Variants in COP1 observed in about 807,000 individuals in gnomAD.
The protein encoded by COP1 is COP1 E3 ubiquitin ligase, also known as E3 ubiquitin-protein ligase COP1.
In COP1, 24 loss-of-function variants were observed where a neutral mutation model predicts 101.3. The ratio of observed to expected loss-of-function variants is 0.24; its 90% CI spans 0.17 to 0.33. COP1 has a LOEUF of 0.33. Among genes scored for constraint, COP1 ranks in the 10% least tolerant of loss-of-function variants. The probability of loss-of-function intolerance (pLI) is 1.00; values close to 1 mark genes in which losing one functional copy is unlikely to be tolerated. For synonymous variants in COP1, 347 were observed against 341.9 expected (o/e 1.01, Z -0.17); for missense variants, 663 against 906.2 (o/e 0.73, Z 3.45).
Position 176,134,991 on chromosome 1 carries a change from G to GC in COP1, c.968+18dup, listed in dbSNP as rs776433275. 11 of 1,574,904 alleles carry GC rather than the reference G, an allele frequency of 7.0e-6. No homozygotes were observed. Among genetic ancestry groups the GC allele is most frequent in the Non-Finnish European group, 8.7e-6 (10 of 1,145,616 alleles). On this transcript the variant is annotated intron_variant, in intron 8 of 19. Transcript: ENST00000367669. ...TTTGTAATATGAATTCTAATCAATT[G>GC]CAAGTGTGAAGCTTGTACCTGTGTG...
chr1:176,132,206 A>G (rs1250711180), intron 8 of COP1, among the ~76,000 whole-genome samples: 4 of 149,908 alleles, frequency 2.7e-5, no homozygotes, highest in African/African-American at 7.6e-5. Flanking sequence ...CAGGGATCCA[A>G]GTAAACATTT....
At chr1:175,978,084 T>C (rs1388286728) in intron 18 of COP1, among the ~76,000 whole-genome samples, 1 of 152,168 alleles carries the variant, frequency 6.6e-6, no homozygotes, top group Non-Finnish European at 1.5e-5. Flanking sequence ...GATAATGGCA[T>C]AATTCATAAT....
At chr1:175,998,478 A>G (rs987054969) in intron 15 of COP1, among the ~76,000 whole-genome samples, 1 of 150,428 alleles carries the variant, frequency 6.6e-6, no homozygotes, top group South Asian at 2.2e-4. Flanking sequence ...AAAATTAAAA[A>G]AAGAGAAAAA....
intron 5 of COP1, among the ~76,000 whole-genome samples, chr1:176,161,083 A>G (rs1694242163): frequency 2.0e-5 from 3 of 152,194 alleles, no homozygotes; most frequent in Admixed American, 1.3e-4. Flanking sequence ...GTCAGTTCTT[A>G]GCTTTCTCCC....
chr1:176,147,376 G>A (rs1691728313), intron 6 of COP1, among the ~76,000 whole-genome samples: 2 of 152,034 alleles, frequency 1.3e-5, no homozygotes, highest in African/African-American at 2.4e-5. Context: ...GTAGATAAAC[G>A]TTTACAATTT....
chr1:176,073,111 GT>G (rs1266071384), intron 11 of COP1, among the ~76,000 whole-genome samples: 2 of 152,044 alleles, frequency 1.3e-5, no homozygotes, highest in Non-Finnish European at 2.9e-5. Context: ...TTCTATCTCA[GT>G]TTTTTTCATC....
intron 18 of COP1, among the ~76,000 whole-genome samples, chr1:175,974,127 A>C (rs1263291893): frequency 6.6e-6 from 1 of 152,228 alleles, no homozygotes; most frequent in Non-Finnish European, 1.5e-5. Context: ...AGAACTATTA[A>C]GAAGTAATGG....
At chr1:176,085,104 C>T (rs1314172391) in intron 10 of COP1, among the ~76,000 whole-genome samples, 1 of 152,162 alleles carries the variant, frequency 6.6e-6, no homozygotes, top group East Asian at 1.9e-4. Flanking sequence ...TATGCTATCA[C>T]ATCCACATCT....
intron 1 of COP1, among the ~76,000 whole-genome samples, chr1:176,201,398 C>T (rs1047345885): frequency 1.6e-4 from 25 of 151,978 alleles, no homozygotes; most frequent in African/African-American, 6.0e-4. Flanking sequence ...GAAAAAATCA[C>T]CATTAAGAAA....
intron 18 of COP1, among the ~76,000 whole-genome samples, chr1:175,960,354 A>C (rs889088272): frequency 1.3e-5 from 2 of 152,214 alleles, no homozygotes; most frequent in African/African-American, 4.8e-5. Flanking sequence ...TGCTAATAAA[A>C]CTAAGCTAAC....
chr1:176,019,506 A>AACC (rs1553223410), intron 15 of COP1, among the ~76,000 whole-genome samples: 3 of 128,090 alleles, frequency 2.3e-5, no homozygotes, highest in Non-Finnish European at 5.0e-5. Context: ...TAATAATAAT[A>AACC]ACCATCATCA....
chr1:176,063,352 G>A (rs573706882), intron 11 of COP1, among the ~76,000 whole-genome samples: 17 of 152,134 alleles, frequency 1.1e-4, no homozygotes, highest in Non-Finnish European at 2.4e-4. Context: ...GAGCCACCGC[G>A]CCTGGCCCGA....
intron 14 of COP1, among the ~76,000 whole-genome samples, chr1:176,036,590 G>C (rs906344572): frequency 1.3e-5 from 2 of 150,504 alleles, no homozygotes; most frequent in Admixed American, 1.3e-4. Flanking sequence ...AATTTAAATA[G>C]CTCAACTTAT....
intron 18 of COP1, among the ~76,000 whole-genome samples, chr1:175,966,547 C>T (rs1285123239): frequency 6.6e-6 from 1 of 152,128 alleles, no homozygotes; most frequent in Non-Finnish European, 1.5e-5. Context: ...CTTGTGAAAA[C>T]TGAGAAATAT....
At chr1:175,951,463 A>ATATATATATATATAT (rs1558154896) in intron 18 of COP1, among the ~76,000 whole-genome samples, 690 of 39,612 alleles carry the variant, frequency 0.017, 13 homozygotes, top group Non-Finnish European at 0.022. Flanking sequence ...TATATATATA[A>ATATATATATATATAT]AAACTTCCAT....
At chr1:176,182,619 TTCCAGAATAATCATAA>T (rs1422203983) in intron 2 of COP1, among the ~76,000 whole-genome samples, 1 of 152,340 alleles carries the variant, frequency 6.6e-6, no homozygotes, top group East Asian at 1.9e-4. Flanking sequence ...TCACCTAATT[TTCCAGAATAATCATAA>T]TCCAAAATCT....
chr1:175,964,992 T>G (rs150159896), intron 18 of COP1, among the ~76,000 whole-genome samples: 1 of 152,320 alleles, frequency 6.6e-6, no homozygotes, highest in African/African-American at 2.4e-5. Context: ...TTTGCACTCA[T>G]ACAAAGATGA....
In COP1 at chr1:176,118,317, A is replaced by G. The variant is rs960221400; in HGVS notation, c.969-1636T>C. ...AACATAAAACTTCACATTTTCAAAA[A>G]TAAATCATATGAATCTGTCTACACA... On this transcript the variant is annotated intron_variant, in intron 8 of 19. Coordinates refer to ENST00000367669, the MANE Select transcript of COP1 (RefSeq NM_022457.7). Among the ~76,000 whole-genome samples, 55 of 152,350 alleles carry G rather than the reference A, an allele frequency of 3.6e-4. 1 individual carries two copies. Among genetic ancestry groups the G allele is most frequent in the Admixed American group, 2.9e-3 (45 of 15,300 alleles).
chr1:176,121,738 C>A (rs1687151587), intron 8 of COP1, among the ~76,000 whole-genome samples: 2 of 151,970 alleles, frequency 1.3e-5, no homozygotes, highest in Admixed American at 6.6e-5. Context: ...TAGAAACAGA[C>A]AATACTAAAC....
Sources: allele counts gnomAD v4.1 joint callset (sites outside exome capture counted in the v4.1 genomes callset), GRCh38; gene constraint gnomAD v4.1.1; transcripts MANE v1.5; gene names NCBI Gene and HGNC (gene_info 2026-07-23, HGNC 2026-07-21).